KIF13B: variants seen among roughly 807,000 people sequenced by gnomAD.
The protein encoded by KIF13B is kinesin family member 13B.
In KIF13B, 127 loss-of-function variants were observed where a neutral mutation model predicts 222.0. That is an observed-to-expected ratio of 0.57 (90% confidence interval 0.50 to 0.66). The LOEUF (loss-of-function observed/expected upper bound fraction) is 0.66. Ranked by LOEUF, KIF13B falls within the 30% of genes least tolerant of loss-of-function variation. The pLI is 0.00. For missense variants in KIF13B, 2,173 were observed against 2,379.0 expected (o/e 0.91, Z 1.80); for synonymous variants, 976 against 919.0 (o/e 1.06, Z -1.12).
chr8:29,143,955 G>A (rs1212607321), intron 18 of KIF13B, among the ~76,000 whole-genome samples: 2 of 151,648 alleles, frequency 1.3e-5, no homozygotes, highest in Admixed American at 1.3e-4. Flanking sequence ...TAAGAGCAAT[G>A]TGGATTTTTT....
intron 13 of KIF13B, among the ~76,000 whole-genome samples, chr8:29,160,484 C>A (rs979323691): frequency 6.6e-6 from 1 of 152,078 alleles, no homozygotes; most frequent in Non-Finnish European, 1.5e-5. Flanking sequence ...TTCCCTGATA[C>A]AAATCACGTT....
At chr8:29,261,861 T>C (rs1816692313) in intron 1 of KIF13B, among the ~76,000 whole-genome samples, 1 of 152,072 alleles carries the variant, frequency 6.6e-6, no homozygotes, top group Admixed American at 6.5e-5. Flanking sequence ...ACAAAGCTTA[T>C]GTCAACTGGT....
intron 38 of KIF13B, 85 bp from the exon 39 acceptor site, chr8:29,072,401 A>T: frequency 1.1e-6 from 1 of 931,532 alleles, no homozygotes. Flanking sequence ...GGAAAAGAGC[A>T]TGAGGCCAGG....
chr8:29,072,671 C>T (rs572311449), intron 38 of KIF13B, among the ~76,000 whole-genome samples: 1 of 152,348 alleles, frequency 6.6e-6, no homozygotes, highest in South Asian at 2.1e-4. Context: ...GCTGTGTGCC[C>T]AGGCTCAAGA....
At chr8:29,228,060 C>T (rs1368742143) in intron 2 of KIF13B, among the ~76,000 whole-genome samples, 1 of 150,022 alleles carries the variant, frequency 6.7e-6, no homozygotes, top group African/African-American at 2.5e-5. Context: ...TTTTTCCTTT[C>T]AAAGTACATC....
intron 2 of KIF13B, among the ~76,000 whole-genome samples, chr8:29,228,472 A>AAAAAAT: frequency 8.5e-6 from 1 of 117,086 alleles, no homozygotes; most frequent in African/African-American, 3.3e-5. Flanking sequence ...ATCTTAAAAA[A>AAAAAAT]ATATATATAT....
chr8:29,104,699 C>T (rs547598627), intron 35 of KIF13B, among the ~76,000 whole-genome samples: 8 of 152,222 alleles, frequency 5.3e-5, no homozygotes, highest in Admixed American at 2.6e-4. Flanking sequence ...AATAAGGCCC[C>T]GCCTCTCTGG....
At chr8:29,156,055 G>A (rs1361698882) in intron 13 of KIF13B, among the ~76,000 whole-genome samples, 199 bp from the exon 14 acceptor site, 5 of 151,968 alleles carry the variant, frequency 3.3e-5, no homozygotes, top group East Asian at 3.9e-4. Flanking sequence ...TGCAACCTCC[G>A]CCTCCCAGGT....
At chr8:29,216,606 A>AT (rs1242340882) in intron 2 of KIF13B, among the ~76,000 whole-genome samples, 1 of 146,584 alleles carries the variant, frequency 6.8e-6, no homozygotes, top group African/African-American at 2.6e-5. Context: ...CTCAAAAAAG[A>AT]TTTTTTTAAT....
At chr8:29,249,101 T>C (rs1393148204) in intron 1 of KIF13B, among the ~76,000 whole-genome samples, 1 of 152,204 alleles carries the variant, frequency 6.6e-6, no homozygotes, top group Non-Finnish European at 1.5e-5. Context: ...AACCAAAGTA[T>C]GAAACTGTTT....
At chr8:29,153,904 C>A (rs1786594561) in intron 14 of KIF13B, among the ~76,000 whole-genome samples, 1 of 152,094 alleles carries the variant, frequency 6.6e-6, no homozygotes, top group Non-Finnish European at 1.5e-5. Flanking sequence ...CTCTGTAAAG[C>A]TATGGAGCAT....
rs1404488870 is a variant in KIF13B at position 29,188,596 on chromosome 8, C to G, written c.235G>C (p.Val79Leu). The change falls in exon 5 of 40, where the codon GTT becomes CTT. Residue 79 changes from valine to leucine, a missense_variant. Around this residue, in one of 2 missense-constraint regions of KIF13B, gnomAD observed 1,480 missense variants for 1,722.8 expected, o/e 0.86. Transcript: ENST00000524189. ...VKEKYAGQDI[V>L]FKCLGENILQ... is the part of the protein sequence containing the mutation. The stretch of plus-strand genomic sequence containing the variant: ...ATATTCTCTCCAAGGCACTTGAAAA[C>G]AATATCTTGACCTGAGAGAGAGAGA... 6.2e-7 allele frequency: 1 copy of G among 1,607,066 alleles called. No individual in the cohort carries two copies. Among genetic ancestry groups the G allele is most frequent in the African/African-American group, 1.3e-5 (1 of 74,922 alleles).
intron 2 of KIF13B, among the ~76,000 whole-genome samples, chr8:29,198,754 G>A (rs1035526226): frequency 6.6e-6 from 1 of 152,210 alleles, no homozygotes; most frequent in African/African-American, 2.4e-5. Context: ...TTGTAACACA[G>A]TTCCCAATTT....
chr8:29,099,231 T>C lies in KIF13B; in HGVS notation c.4226A>G (p.Glu1409Gly). 1.2e-6 allele frequency: 2 copies of C among 1,610,964 alleles called. No individual in the cohort carries two copies. The highest frequency in any genetic ancestry group is 1.7e-6 in the Non-Finnish European group (2 of 1,178,354). ...GGTTTGGGATACATCCTGCTGACTTTCCCACCGGCCCTAGTAAAGACAAAA... is the reference window on the plus strand; with the variant it reads ...GGTTTGGGATACATCCTGCTGACTTCCCCACCGGCCCTAGTAAAGACAAAA... ...YSLGSNKGRW[E>G]SQQDVSQTTV... The change falls in exon 36 of 40, where the codon GAA becomes GGA. Residue 1409 changes from glutamate (E) to glycine (G), a missense_variant. Around this residue, in one of 2 missense-constraint regions of KIF13B, gnomAD observed 693 missense variants for 656.2 expected, o/e 1.06. Coordinates refer to ENST00000524189, the MANE Select transcript of KIF13B (RefSeq NM_015254.4).
At chr8:29,116,769 T>G (rs1008587982) in intron 31 of KIF13B, 62 bp downstream of exon 31, 8 of 1,489,396 alleles carry the variant, frequency 5.4e-6, no homozygotes, top group Admixed American at 1.9e-5. Context: ...CAGCAAGCAC[T>G]GCACGGCCCT....
At chr8:29,177,234 A>T (rs1293190592) in intron 9 of KIF13B, among the ~76,000 whole-genome samples, 1 of 151,500 alleles carries the variant, frequency 6.6e-6, no homozygotes, top group Non-Finnish European at 1.5e-5. Flanking sequence ...TCCCATGAAA[A>T]GAATTACCTG....
intron 2 of KIF13B, among the ~76,000 whole-genome samples, chr8:29,215,127 G>A (rs1319130838): frequency 6.6e-6 from 1 of 151,968 alleles, no homozygotes; most frequent in Non-Finnish European, 1.5e-5. Context: ...GCTCTTTCCC[G>A]TCCTCATGAA....
At chr8:29,140,382 C>CA in intron 20 of KIF13B, 86 bp downstream of exon 20, 2 of 1,466,064 alleles carry the variant, frequency 1.4e-6, no homozygotes, top group Non-Finnish European at 1.9e-6. Context: ...ACGTTACTGA[C>CA]AAAAAATAGC....
At chr8:29,166,308 A>G (rs1427711698) in intron 11 of KIF13B, among the ~76,000 whole-genome samples, 1 of 152,208 alleles carries the variant, frequency 6.6e-6, no homozygotes, top group East Asian at 1.9e-4. Context: ...CATGTCTCTT[A>G]CTGATTTATT....
Sources: allele counts gnomAD v4.1 joint callset (sites outside exome capture counted in the v4.1 genomes callset), GRCh38; gene constraint gnomAD v4.1.1; regional missense constraint gnomAD v4.1.1; transcripts MANE v1.5; gene names NCBI Gene and HGNC (gene_info 2026-07-23, HGNC 2026-07-21).